The following CAMK2D variants were observed in gnomAD, a reference collection of about 807,000 sequenced individuals.
CAMK2D encodes the protein calcium/calmodulin dependent protein kinase II delta.
CAMK2D carries 37 observed loss-of-function variants against 84.0 expected under a neutral mutation model. That is an observed-to-expected ratio of 0.44 (90% CI 0.34 to 0.58). CAMK2D has a LOEUF of 0.58. Ranked by LOEUF, CAMK2D falls within the 20% of genes least tolerant of loss-of-function variation. The pLI is 0.02. For missense variants in CAMK2D, 448 were observed against 652.5 expected, an observed-to-expected ratio of 0.69 and a Z score of 3.41; for synonymous variants, 202 against 212.5, an observed-to-expected ratio of 0.95 and a Z score of 0.43.
chr4:113,689,313 T>C (rs181988391), intron 2 of CAMK2D, among the ~76,000 whole-genome samples: 248 of 152,288 alleles, frequency 1.6e-3, no homozygotes, highest in African/African-American at 5.3e-3. Context: ...TTTCCTACTC[T>C]TGTCAATCTC....
At chr4:113,548,739 T>C (rs376345516) in intron 5 of CAMK2D, 40 of 1,458,056 alleles carry the variant, frequency 2.7e-5, no homozygotes, top group Non-Finnish European at 3.7e-5. Flanking sequence ...ACTGCAAAGA[T>C]ACAAGGGCAG....
At chr4:113,660,318 C>T (rs1368091623) in intron 3 of CAMK2D, among the ~76,000 whole-genome samples, 1 of 152,104 alleles carries the variant, frequency 6.6e-6, no homozygotes, top group African/African-American at 2.4e-5. Context: ...TTTGAAAAGT[C>T]ATGCAATTTT....
chr4:113,714,480 T>C (rs1243104120), intron 2 of CAMK2D, among the ~76,000 whole-genome samples: 1 of 152,042 alleles, frequency 6.6e-6, no homozygotes, highest in South Asian at 2.1e-4. Flanking sequence ...CCATTTGACA[T>C]GTTGATCATT....
intron 3 of CAMK2D, among the ~76,000 whole-genome samples, chr4:113,626,697 C>T (rs750572828): frequency 3.9e-5 from 6 of 152,132 alleles, no homozygotes; most frequent in Non-Finnish European, 8.8e-5. Context: ...CGGATCTGGA[C>T]CTCCATTCCT....
intron 6 of CAMK2D, among the ~76,000 whole-genome samples, chr4:113,545,398 CAT>C (rs993968188): frequency 1.1e-4 from 16 of 152,096 alleles, no homozygotes; most frequent in African/African-American, 3.4e-4. Context: ...CATCAATTAA[CAT>C]ATTAATTAGT....
chr4:113,694,934 G>A (rs977671800), intron 2 of CAMK2D, among the ~76,000 whole-genome samples: 1 of 152,108 alleles, frequency 6.6e-6, no homozygotes, highest in African/African-American at 2.4e-5. Flanking sequence ...AGTGTTTATA[G>A]ATTGATTCAT....
At chr4:113,456,327 G>A (rs2097303197) in intron 19 of CAMK2D, among the ~76,000 whole-genome samples, 1 of 152,076 alleles carries the variant, frequency 6.6e-6, no homozygotes, top group South Asian at 2.1e-4. Flanking sequence ...GAGATCAACA[G>A]TGGACCCAAC....
At chr4:113,759,019 A>G (rs2099634911) in intron 2 of CAMK2D, 1 of 176,746 alleles carries the variant, frequency 5.7e-6, no homozygotes, top group African/African-American at 2.4e-5. Context: ...GTTGTTTTAT[A>G]CTTAAACTAT....
chr4:113,574,559 G>A (rs1030832830), intron 4 of CAMK2D, among the ~76,000 whole-genome samples: 3 of 152,190 alleles, frequency 2.0e-5, no homozygotes, highest in African/African-American at 7.2e-5. Context: ...TTATTTCCAA[G>A]TTTGAGTTTT....
At chr4:113,575,896 T>G (rs1407372731) in intron 4 of CAMK2D, among the ~76,000 whole-genome samples, 1 of 152,198 alleles carries the variant, frequency 6.6e-6, no homozygotes, top group African/African-American at 2.4e-5. Flanking sequence ...AGTTTTTTTT[T>G]GCTTACTGAC....
At chr4:113,631,182 C>T (rs113182521) in intron 3 of CAMK2D, among the ~76,000 whole-genome samples, 1,820 of 152,092 alleles carry the variant, frequency 0.012, 32 homozygotes, top group African/African-American at 0.041. Context: ...TTCTTATCTC[C>T]TATCACTAGT....
chr4:113,474,054 T>G (rs2154120884), intron 16 of CAMK2D, among the ~76,000 whole-genome samples: 1 of 152,364 alleles, frequency 6.6e-6, no homozygotes, highest in Admixed American at 6.5e-5. Context: ...CATTTGCTTA[T>G]GTGAAAGAAT....
chr4:113,503,018 G>T (rs367973225), intron 14 of CAMK2D, 41 bp from the exon 15 acceptor site: 21 of 1,411,004 alleles, frequency 1.5e-5, no homozygotes, highest in East Asian at 9.1e-5. Context: ...GTTCGCATTG[G>T]TAAGTACATT....
chr4:113,616,828 T>C (rs1046647942), intron 3 of CAMK2D, among the ~76,000 whole-genome samples: 2 of 152,220 alleles, frequency 1.3e-5, no homozygotes, highest in Non-Finnish European at 2.9e-5. Flanking sequence ...ATAATAGATT[T>C]AGTAATATCT....
chr4:113,733,062 A>C lies in CAMK2D; in HGVS notation c.160+26258T>G, dbSNP rs1321221665. On this transcript the variant is annotated intron_variant, in intron 2 of 20. Transcript: ENST00000511664. Reference sequence around the variant, plus strand: ...TTAACAAAAAGTTGGCCCCTGGAGAAGTTTTGAAGAGAAAGGTGAGGTAGA... The same window carrying C: ...TTAACAAAAAGTTGGCCCCTGGAGACGTTTTGAAGAGAAAGGTGAGGTAGA... Among the ~76,000 whole-genome samples the C allele has an allele frequency of 2.0e-5, 3 of 152,170 alleles. No homozygotes were observed. In the East Asian group the frequency reaches 5.8e-4, roughly 29 times the overall value.
In CAMK2D at chr4:113,761,216, T is replaced by G; in HGVS notation, c.-148A>C. On this transcript the variant is annotated 5_prime_UTR_variant, in exon 1 of 21. Transcript: ENST00000511664. ...AAAGTAGCTCGCCCGCGAGGGAGTG[T>G]GCGCAGGGGCGGGGCGGGAGGGGAG... The G allele has an allele frequency of 2.8e-6, 4 of 1,423,304 alleles. No individual in the cohort carries two copies. The highest frequency in any genetic ancestry group is 3.1e-5 in the East Asian group (1 of 32,514). 88.2% of individuals were successfully genotyped at this position (1,423,304 alleles called of 1,614,324 possible).
At chr4:113,511,195 G>C (rs1393484459) in intron 12 of CAMK2D, among the ~76,000 whole-genome samples, 1 of 152,190 alleles carries the variant, frequency 6.6e-6, no homozygotes, top group East Asian at 1.9e-4. Context: ...TTACTTTAAA[G>C]AGCATGTTTG....
At chr4:113,642,748 T>TC (rs983420010) in intron 3 of CAMK2D, among the ~76,000 whole-genome samples, 10 of 151,996 alleles carry the variant, frequency 6.6e-5, no homozygotes, top group African/African-American at 2.4e-4. Flanking sequence ...TTTTTTTTTT[T>TC]CAAGATGGAG....
chr4:113,696,759 G>A (rs2099404074), intron 2 of CAMK2D, among the ~76,000 whole-genome samples: 1 of 152,062 alleles, frequency 6.6e-6, no homozygotes, highest in African/African-American at 2.4e-5. Flanking sequence ...CCAAAAGGCA[G>A]GCTTCTCTTT....
Sources: gnomAD v4.1 joint callset for allele counts (sites outside exome capture counted in the v4.1 genomes callset) on GRCh38, gnomAD v4.1.1 for gene constraint, MANE v1.5 for transcripts, NCBI Gene and HGNC (gene_info 2026-07-23, HGNC 2026-07-21) for gene names.